Variants in PTPRM observed in about 807,000 individuals in gnomAD.
PTPRM encodes the protein receptor-type tyrosine-protein phosphatase mu.
Under a neutral mutation model 186.7 loss-of-function variants are expected in PTPRM, and 47 were observed. The ratio of observed to expected loss-of-function variants is 0.25; its 90% CI spans 0.20 to 0.32. PTPRM has a LOEUF of 0.32. Ranked by LOEUF, PTPRM falls within the 10% of genes least tolerant of loss-of-function variation. The pLI is 1.00. For missense variants in PTPRM, 1,494 were observed against 1,865.0 expected, an observed-to-expected ratio of 0.80 and a Z score of 3.66; for synonymous variants, 668 against 674.9, an observed-to-expected ratio of 0.99 and a Z score of 0.16.
chr18:7,714,972 A>G (rs60336960), intron 1 of PTPRM, among the ~76,000 whole-genome samples: 2 of 152,144 alleles, frequency 1.3e-5, no homozygotes, highest in Non-Finnish European at 2.9e-5. Flanking sequence ...ATTCCAAACA[A>G]TAGAAAAAGA....
chr18:8,293,492 T>G (rs945804144), intron 19 of PTPRM, among the ~76,000 whole-genome samples: 3 of 152,028 alleles, frequency 2.0e-5, no homozygotes, highest in Non-Finnish European at 4.4e-5. Context: ...ACTGGAAGAC[T>G]TCAAGGTCTC....
chr18:8,196,780 A>C (rs946485284), intron 14 of PTPRM, among the ~76,000 whole-genome samples: 2 of 152,178 alleles, frequency 1.3e-5, no homozygotes, highest in Non-Finnish European at 2.9e-5. Context: ...TTCCCTTGTT[A>C]TGAGCTTGGG....
chr18:7,948,269 A>G (rs1228496307), intron 5 of PTPRM, among the ~76,000 whole-genome samples: 2 of 151,806 alleles, frequency 1.3e-5, no homozygotes, highest in African/African-American at 2.4e-5. Flanking sequence ...ATGTGTGTGT[A>G]TATATATTAT....
intron 2 of PTPRM, among the ~76,000 whole-genome samples, chr18:7,883,376 A>G (rs1386768750): frequency 6.6e-6 from 1 of 152,186 alleles, no homozygotes; most frequent in African/African-American, 2.4e-5. Flanking sequence ...AAACAGACTT[A>G]ATAGTCTAAA....
chr18:7,802,286 C>G lies in PTPRM; in HGVS notation c.196+28015C>G, dbSNP rs79231833. 6.0e-3 allele frequency among the ~76,000 whole-genome samples: 919 copies of G among 152,294 alleles called. 2 individuals are homozygous for G. Among genetic ancestry groups the G allele is most frequent in the African/African-American group, 0.021 (869 of 41,556 alleles). On this transcript the variant is annotated intron_variant, in intron 2 of 32. Coordinates refer to ENST00000580170, the MANE Select transcript of PTPRM (RefSeq NM_001105244.2). Reference sequence around the variant, plus strand: ...CTAAAGAAAGGAGTAAATGTGCTCTCTCTTTCCAAGGGGCCACTACTGGGT... The same window carrying G: ...CTAAAGAAAGGAGTAAATGTGCTCTGTCTTTCCAAGGGGCCACTACTGGGT...
chr18:8,186,313 G>A (rs768423818), intron 14 of PTPRM, among the ~76,000 whole-genome samples: 15 of 127,880 alleles, frequency 1.2e-4, no homozygotes, highest in Non-Finnish European at 2.1e-4. Flanking sequence ...GCAACAGAGC[G>A]ATACTCCATC....
chr18:7,707,536 G>T (rs1207860501), intron 1 of PTPRM, among the ~76,000 whole-genome samples: 4 of 152,072 alleles, frequency 2.6e-5, no homozygotes, highest in Non-Finnish European at 4.4e-5. Context: ...CTACTCAGGA[G>T]GTTGAGGTGG....
rs1410699625 is a variant in PTPRM, at chr18:7,909,505, A to T, written c.547+2922A>T. On this transcript the variant is annotated intron_variant, in intron 4 of 32. Transcript: ENST00000580170. ...AGTTAATGGGGGAAGCATGCAAATA[A>T]AGATTTTAAAGAAGGCAATAGTTTG... 5.3e-5 allele frequency among the ~76,000 whole-genome samples: 8 copies of T among 152,236 alleles called. 1 individual carries two copies.
intron 22 of PTPRM, among the ~76,000 whole-genome samples, chr18:8,336,455 G>C (rs990423475): frequency 2.0e-5 from 3 of 152,064 alleles, no homozygotes; most frequent in African/African-American, 7.2e-5. Flanking sequence ...AGGAGGCTGA[G>C]GTGGGAGGAT....
chr18:8,386,541 C>T (rs2095775032), intron 30 of PTPRM, among the ~76,000 whole-genome samples: 1 of 152,198 alleles, frequency 6.6e-6, no homozygotes, highest in African/African-American at 2.4e-5. Context: ...TTTCATGTTT[C>T]TATCATAAGC....
At chr18:8,346,810 A>AG (rs1427464354) in intron 23 of PTPRM, among the ~76,000 whole-genome samples, 1 of 150,962 alleles carries the variant, frequency 6.6e-6, no homozygotes, top group Non-Finnish European at 1.5e-5. Context: ...TGACTATTGA[A>AG]AAAAAAAAGG....
chr18:7,810,061 G>T (rs1349390297), intron 2 of PTPRM, among the ~76,000 whole-genome samples: 2 of 152,192 alleles, frequency 1.3e-5, no homozygotes, highest in African/African-American at 4.8e-5. Flanking sequence ...ACCTGGAGGT[G>T]GGGTTGGGGG....
intron 1 of PTPRM, among the ~76,000 whole-genome samples, chr18:7,712,020 C>T (rs1459243795): frequency 6.6e-6 from 1 of 152,116 alleles, no homozygotes; most frequent in Non-Finnish European, 1.5e-5. Flanking sequence ...TAAGGGAGCT[C>T]CGCTAAGGGT....
At chr18:8,003,621 A>G (rs557485996) in intron 7 of PTPRM, among the ~76,000 whole-genome samples, 2 of 152,348 alleles carry the variant, frequency 1.3e-5, no homozygotes, top group East Asian at 3.9e-4. Flanking sequence ...TACCTTCAAG[A>G]TTACTAGGCA....
intron 1 of PTPRM, among the ~76,000 whole-genome samples, chr18:7,590,913 G>T (rs1233194602): frequency 6.6e-6 from 1 of 152,174 alleles, no homozygotes; most frequent in Non-Finnish European, 1.5e-5. Context: ...TCCATCTTAT[G>T]ATGAGAGAAA....
chr18:7,762,954 C>A (rs569403107), intron 1 of PTPRM, among the ~76,000 whole-genome samples: 5 of 152,308 alleles, frequency 3.3e-5, no homozygotes, highest in Non-Finnish European at 7.3e-5. Flanking sequence ...GTTCAATCTT[C>A]CCTATTTCCC....
intron 11 of PTPRM, 33 bp downstream of exon 11, chr18:8,088,884 A>T: frequency 6.8e-7 from 1 of 1,478,884 alleles, no homozygotes; most frequent in Non-Finnish European, 9.4e-7. Flanking sequence ...GGCTCTAGAT[A>T]GAAGAAAACT....
intron 31 of PTPRM, among the ~76,000 whole-genome samples, chr18:8,393,981 T>C (rs2095832390): frequency 1.3e-5 from 2 of 152,068 alleles, no homozygotes; most frequent in East Asian, 3.9e-4. Context: ...TTAGTAGCGA[T>C]GGGGTTTCAC....
At chr18:7,842,947 T>TATAGAGAGAG (rs370746043) in intron 2 of PTPRM, among the ~76,000 whole-genome samples, 17 of 112,130 alleles carry the variant, frequency 1.5e-4, no homozygotes, top group East Asian at 6.2e-4. Flanking sequence ...TATATATATA[T>TATAGAGAGAG]AGAGAGAGAG....
Sources: allele counts gnomAD v4.1 joint callset (sites outside exome capture counted in the v4.1 genomes callset), GRCh38; gene constraint gnomAD v4.1.1; transcripts MANE v1.5; gene names NCBI Gene and HGNC (gene_info 2026-07-23, HGNC 2026-07-21).